The following CKAP2L variants were observed in gnomAD, a reference collection of about 807,000 sequenced individuals.
CKAP2L encodes cytoskeleton-associated protein 2-like.
A neutral mutation model predicts 65.7 loss-of-function variants in CKAP2L; 42 were observed. The ratio of observed to expected loss-of-function variants is 0.64; its 90% CI spans 0.50 to 0.83. The LOEUF is 0.83. Ranked by LOEUF, CKAP2L falls within the 40% of genes least tolerant of loss-of-function variation. The pLI is 0.00. For synonymous variants in CKAP2L, 325 were observed against 313.5 expected (o/e 1.04, Z -0.39); for missense variants, 908 against 871.0 (o/e 1.04, Z -0.53).
At position 112,738,656 on chromosome 2, in the gene CKAP2L, C is replaced by T; in HGVS notation, c.*167G>A. The T allele has an allele frequency of 1.6e-6, 1 of 607,762 alleles. No individual in the cohort carries two copies. The highest frequency in any genetic ancestry group is 2.1e-5 in the South Asian group (1 of 48,540). 37.6% of individuals were successfully genotyped at this position (607,762 alleles called of 1,614,324 possible). ...CTTAAACACATAAAGCAAAGATTTT[C>T]CCATGGGGAGAGAAAATTTGAGAGT... On this transcript the variant is annotated 3_prime_UTR_variant, in exon 9 of 9. Transcript: ENST00000302450.
chr2:112,745,833 G>A (rs753168347), intron 6 of CKAP2L, among the ~76,000 whole-genome samples: 2 of 152,146 alleles, frequency 1.3e-5, no homozygotes, highest in African/African-American at 2.4e-5. Flanking sequence ...GTATGTATGT[G>A]TGAAAGAGGG....
intron 4 of CKAP2L, among the ~76,000 whole-genome samples, chr2:112,754,482 C>G (rs561622186): frequency 6.6e-6 from 1 of 152,200 alleles, no homozygotes; most frequent in Admixed American, 6.5e-5. Flanking sequence ...TAATCATAAA[C>G]GAAGAGTGAA....
At chr2:112,758,217 G>A (rs930122668) in intron 3 of CKAP2L, among the ~76,000 whole-genome samples, 3 of 152,164 alleles carry the variant, frequency 2.0e-5, no homozygotes, top group African/African-American at 7.2e-5. Flanking sequence ...CGATTACAGA[G>A]AATTTTGAAA....
rs1385397994 is a variant in CKAP2L at position 112,738,709 on chromosome 2, G to A, written c.*114C>T. 5 of 677,076 alleles carry A rather than the reference G, an allele frequency of 7.4e-6. No homozygotes were observed. Among genetic ancestry groups the A allele is most frequent in the African/African-American group, 7.2e-5 (4 of 55,196 alleles). 41.9% of individuals were successfully genotyped at this position (677,076 alleles called of 1,614,324 possible). A position where few individuals can be genotyped will look rare whatever the true frequency, so the allele number is the denominator to read the frequency against. The stretch of plus-strand genomic sequence containing the variant: ...GCCCAGTGAATTACTTAAGTCCTGA[G>A]CGTCCATAATCTGCATCCATGATGC... On this transcript the variant is annotated 3_prime_UTR_variant, in exon 9 of 9. Coordinates refer to ENST00000302450, the MANE Select transcript of CKAP2L (RefSeq NM_152515.5).
chr2:112,755,106 T>C lies in CKAP2L; in HGVS notation c.1394+871A>G, dbSNP rs552523479. On this transcript the variant is annotated intron_variant, in intron 4 of 8. Coordinates refer to ENST00000302450, the MANE Select transcript of CKAP2L (RefSeq NM_152515.5). ...ACACTTTTTAGCAACCATCTAATTTTACATGCTCCCTTCACTCGTCAGAAA... is the reference window on the plus strand; with the variant it reads ...ACACTTTTTAGCAACCATCTAATTTCACATGCTCCCTTCACTCGTCAGAAA... Among the ~76,000 whole-genome samples the C allele has an allele frequency of 2.6e-5, 4 of 152,332 alleles. No homozygotes were observed. In the East Asian group the frequency reaches 7.7e-4, roughly 29 times the overall value.
chr2:112,753,046 A>G (rs981853006), intron 4 of CKAP2L, among the ~76,000 whole-genome samples: 4 of 151,700 alleles, frequency 2.6e-5, no homozygotes, highest in African/African-American at 9.7e-5. Flanking sequence ...CACATTTTCC[A>G]CTCCAGCTTC....
intron 2 of CKAP2L, among the ~76,000 whole-genome samples, chr2:112,762,224 A>C (rs1182434315): frequency 6.6e-6 from 1 of 152,230 alleles, no homozygotes; most frequent in Non-Finnish European, 1.5e-5. Context: ...AAAAAAGCAG[A>C]AACAGGCAAA....
rs376487793 is a variant in CKAP2L at position 112,756,739 on chromosome 2, G to C, written c.632C>G (p.Thr211Ser). 6.3e-6 allele frequency: 10 copies of C among 1,599,112 alleles called. No individual in the cohort carries two copies. In the African/African-American group the frequency reaches 9.5e-5, roughly 15 times the overall value. ...GTTCTTGGTTTGATTATAAGAGTCA[G>C]TCTTTGGCTTACTTCTGGTATATAA... is the stretch of plus-strand genomic sequence containing the variant. ...PKLYTRSKPK[T>S]DSYNQTKNSL... is the part of the protein sequence containing the mutation. The change falls in exon 4 of 9, where the codon ACT becomes AGT. Residue 211 changes from threonine to serine, a missense_variant. By Grantham distance (58) the Thr-to-Ser change is moderately conservative. Transcript: ENST00000302450.
At chr2:112,745,449 G>A (rs1046240050) in intron 6 of CKAP2L, among the ~76,000 whole-genome samples, 5 of 150,490 alleles carry the variant, frequency 3.3e-5, no homozygotes, top group African/African-American at 7.3e-5. Context: ...GCCCGATCTC[G>A]GCTCACTGCA....
rs781620547 is a variant in CKAP2L at position 112,746,426 on chromosome 2, C to T, written c.1752G>A (p.Gly584=). ...IGLYEEAIKN[G]ATPIQELRKV... ...ACCCAAGACAGATACTCACTGTTGCCCCATTTTTAATGGCCTCTTCATATA... is the reference window on the plus strand; with the variant it reads ...ACCCAAGACAGATACTCACTGTTGCTCCATTTTTAATGGCCTCTTCATATA... The change falls in exon 6 of 9, where the codon GGG becomes GGA. Residue 584 remains glycine (G), a synonymous_variant. Coordinates refer to ENST00000302450, the MANE Select transcript of CKAP2L (RefSeq NM_152515.5). The T allele has an allele frequency of 5.6e-6, 9 of 1,608,538 alleles. No individual in the cohort carries two copies. Among genetic ancestry groups the T allele is most frequent in the South Asian group, 2.2e-5 (2 of 90,514 alleles).
rs1001299911 is a variant in CKAP2L at position 112,756,593 on chromosome 2, G to T, written c.778C>A (p.Gln260Lys). ...QSRTFPVKSQ[Q>K]LSRGADLARP... is the part of the protein sequence containing the mutation. ...GCAAGATCTGCTCCTCTAGAGAGTTGCTGTGATTTTACTGGGAAAGTCCTG... is the reference window on the plus strand; with the variant it reads ...GCAAGATCTGCTCCTCTAGAGAGTTTCTGTGATTTTACTGGGAAAGTCCTG... Residue 260 changes from glutamine (Q) to lysine (K), a missense_variant, in exon 4 of 9, where the codon CAA becomes AAA. By Grantham distance (53) the Gln-to-Lys change is moderately conservative. Transcript: ENST00000302450. 1.9e-6 allele frequency: 3 copies of T among 1,613,096 alleles called. No homozygotes were observed. The highest frequency in any genetic ancestry group is 2.5e-6 in the Non-Finnish European group (3 of 1,179,730).
chr2:112,742,307 C>G, intron 7 of CKAP2L: 2 of 702,306 alleles, frequency 2.8e-6, no homozygotes, highest in African/African-American at 1.8e-5. Flanking sequence ...TGAAGAGATT[C>G]CTGAGATAGC....
At chr2:112,762,322 G>A (rs559438587) in intron 2 of CKAP2L, among the ~76,000 whole-genome samples, 181 bp downstream of exon 2, 54 of 152,334 alleles carry the variant, frequency 3.5e-4, no homozygotes, top group African/African-American at 9.6e-4. Context: ...TTTGCCAATG[G>A]ACTAAGCACT....
At chr2:112,742,848 A>T (rs908638100) in intron 6 of CKAP2L, 79 bp from the exon 7 acceptor site, 5 of 897,116 alleles carry the variant, frequency 5.6e-6, no homozygotes, top group Non-Finnish European at 8.8e-6. Context: ...AACTTCAAAT[A>T]CATGTTTTAT....
intron 1 of CKAP2L, among the ~76,000 whole-genome samples, 160 bp downstream of exon 1, chr2:112,764,402 T>TG (rs1274398371): frequency 6.6e-6 from 1 of 152,176 alleles, no homozygotes; most frequent in Non-Finnish European, 1.5e-5. Context: ...GACGTCTACC[T>TG]GGGGGTCCCG....
At chr2:112,746,397 A>G in intron 6 of CKAP2L, 23 bp downstream of exon 6, 1 of 1,557,652 alleles carries the variant, frequency 6.4e-7, no homozygotes, top group Non-Finnish European at 8.7e-7. Flanking sequence ...TTAAGAAGTT[A>G]CCCACCCAAG....
chr2:112,749,002 C>T (rs949435856), intron 5 of CKAP2L, among the ~76,000 whole-genome samples: 6 of 151,832 alleles, frequency 4.0e-5, no homozygotes, highest in Non-Finnish European at 8.8e-5. Context: ...AGATTAAACA[C>T]AGAAATGAGG....
intron 8 of CKAP2L, 84 bp downstream of exon 8, chr2:112,740,734 T>A: frequency 8.9e-7 from 1 of 1,126,022 alleles, no homozygotes; most frequent in Admixed American, 2.0e-5. Context: ...CAGGTCTCAG[T>A]TACTCTAGAT....
chr2:112,753,842 T>C (rs1306838348), intron 4 of CKAP2L, among the ~76,000 whole-genome samples: 1 of 152,176 alleles, frequency 6.6e-6, no homozygotes. Context: ...TGAAGTTTCT[T>C]GATCCAGACT....
Sources: gnomAD v4.1 joint callset for allele counts (sites outside exome capture counted in the v4.1 genomes callset) on GRCh38, gnomAD v4.1.1 for gene constraint, MANE v1.5 for transcripts, NCBI Gene and HGNC (gene_info 2026-07-23, HGNC 2026-07-21) for gene names.